Variants in ATP6V1H observed in about 807,000 individuals in gnomAD.
ATP6V1H encodes the protein ATPase H+ transporting V1 subunit H, also known as V-type proton ATPase subunit H.
Under a neutral mutation model 71.7 loss-of-function variants are expected in ATP6V1H, and 39 were observed. The observed-to-expected ratio is 0.54, with a 90% CI of 0.42 to 0.71. ATP6V1H has a LOEUF of 0.71. Ranked by LOEUF, ATP6V1H falls within the 30% of genes least tolerant of loss-of-function variation. The pLI is 0.00. For missense variants in ATP6V1H, 509 were observed against 594.9 expected (o/e 0.86, Z 1.50); for synonymous variants, 192 against 199.3 (o/e 0.96, Z 0.31).
At chr8:53,739,902 C>T (rs1807354377) in intron 13 of ATP6V1H, among the ~76,000 whole-genome samples, 1 of 152,220 alleles carries the variant, frequency 6.6e-6, no homozygotes. Context: ...ACTGTCCCCT[C>T]CCTCCCCAGC....
At chr8:53,821,422 C>T (rs187885264) in intron 4 of ATP6V1H, among the ~76,000 whole-genome samples, 2 of 151,606 alleles carry the variant, frequency 1.3e-5, no homozygotes, top group African/African-American at 4.8e-5. Context: ...ATGGCTCACA[C>T]CTGAATCTCA....
At chr8:53,755,958 C>T (rs1219348441) in intron 12 of ATP6V1H, among the ~76,000 whole-genome samples, 1 of 141,086 alleles carries the variant, frequency 7.1e-6, no homozygotes, top group Non-Finnish European at 1.5e-5. Flanking sequence ...GGGGTTTCAC[C>T]GTTTTAGCCG....
intron 7 of ATP6V1H, among the ~76,000 whole-genome samples, chr8:53,809,144 C>T (rs572904730): frequency 1.3e-5 from 2 of 152,232 alleles, no homozygotes; most frequent in South Asian, 2.1e-4. Context: ...TGTGTGACCT[C>T]GGGCATGTTG....
At chr8:53,787,576 C>A (rs1475510051) in intron 9 of ATP6V1H, among the ~76,000 whole-genome samples, 1 of 152,202 alleles carries the variant, frequency 6.6e-6, no homozygotes, top group Non-Finnish European at 1.5e-5. Flanking sequence ...AAGTATATCA[C>A]TGTAAAAATA....
At chr8:53,727,607 T>C (rs928804735) in intron 13 of ATP6V1H, among the ~76,000 whole-genome samples, 3 of 152,182 alleles carry the variant, frequency 2.0e-5, no homozygotes, top group African/African-American at 7.2e-5. Flanking sequence ...ACCTCCCCAG[T>C]GAAGAGCTCC....
chr8:53,781,076 A>C (rs978820656), intron 9 of ATP6V1H, among the ~76,000 whole-genome samples: 4 of 152,210 alleles, frequency 2.6e-5, no homozygotes, highest in African/African-American at 9.7e-5. Context: ...TGGCTGGGTC[A>C]AATGGTATTT....
intron 11 of ATP6V1H, 133 bp from the exon 12 acceptor site, chr8:53,756,789 A>C (rs550530540): frequency 1.8e-6 from 1 of 565,070 alleles, no homozygotes; most frequent in Admixed American, 3.2e-5. Context: ...TAAGGATTTC[A>C]CTATTAGACA....
At chr8:53,785,666 G>C (rs1809354140) in intron 9 of ATP6V1H, among the ~76,000 whole-genome samples, 2 of 152,232 alleles carry the variant, frequency 1.3e-5, no homozygotes, top group Non-Finnish European at 2.9e-5. Flanking sequence ...CATCTTTGTG[G>C]TTTTATCCAC....
chr8:53,748,863 C>T (rs1426756845), intron 12 of ATP6V1H, among the ~76,000 whole-genome samples: 1 of 152,144 alleles, frequency 6.6e-6, no homozygotes, highest in African/African-American at 2.4e-5. Context: ...CCAGTTTGGT[C>T]AATAAAAGGT....
rs770965453 is a variant in ATP6V1H, at chr8:53,756,555, C to T, written c.1277G>A (p.Arg426Gln). ...EYVRHYPRGK[R>Q]VIEQLGGKQL... ...AATGAAATGAATGGCTTTCTCTTAC[C>T]GTTTGCCTCGTGGATAATGCCGCAC... Residue 426 changes from arginine (R) to glutamine (Q), a missense_variant and splice_region_variant, in exon 12 of 14, where the codon CGG (arginine) becomes CAG (glutamine). Arg to Gln is a conservative substitution (Grantham distance 43). This residue lies in a region of ATP6V1H where 212 missense variants were observed against 291.6 expected (regional missense o/e 0.73). Coordinates refer to ENST00000359530, the MANE Select transcript of ATP6V1H (RefSeq NM_015941.4). The T allele has an allele frequency of 8.7e-6, 14 of 1,610,970 alleles. No homozygotes were observed. Among genetic ancestry groups the T allele is most frequent in the East Asian group, 2.2e-5 (1 of 44,866 alleles).
intron 7 of ATP6V1H, among the ~76,000 whole-genome samples, chr8:53,804,034 C>CTTGG (rs1345872911): frequency 1.3e-5 from 2 of 152,154 alleles, no homozygotes; most frequent in African/African-American, 4.8e-5. Flanking sequence ...AGGATGGATT[C>CTTGG]TTGGTTGTTA....
chr8:53,839,634 T>G, intron 2 of ATP6V1H: 1 of 985,450 alleles, frequency 1.0e-6, no homozygotes, highest in South Asian at 4.7e-5. Context: ...CCCTTCATGC[T>G]GCTAGTAGAA....
chr8:53,793,484 T>G (rs1809630701), intron 9 of ATP6V1H, among the ~76,000 whole-genome samples: 1 of 152,042 alleles, frequency 6.6e-6, no homozygotes, highest in Non-Finnish European at 1.5e-5. Context: ...ACAAAAGATT[T>G]TATTTTTTAA....
intron 9 of ATP6V1H, among the ~76,000 whole-genome samples, chr8:53,790,156 G>A (rs780447926): frequency 1.5e-4 from 23 of 152,154 alleles, no homozygotes; most frequent in Non-Finnish European, 2.9e-4. Flanking sequence ...ATCTAATTAA[G>A]TAAACATGTT....
intron 13 of ATP6V1H, among the ~76,000 whole-genome samples, chr8:53,723,659 T>A (rs1043750270): frequency 6.6e-6 from 1 of 152,156 alleles, no homozygotes; most frequent in African/African-American, 2.4e-5. Context: ...CCTACCTGGA[T>A]GTGTTTGCAT....
Position 53,780,930 on chromosome 8 carries a change from C to T in ATP6V1H, c.871-8763G>A, listed in dbSNP as rs552953764. Among the ~76,000 whole-genome samples the T allele has an allele frequency of 2.1e-3, 315 of 152,244 alleles. 2 individuals carry two copies. The highest frequency in any genetic ancestry group is 7.3e-3 in the African/African-American group (303 of 41,526). ...GTATATGTGCCACATTTTCTTAATCCAGTCTATCATTGTTGGACATCTGGG... is the reference window on the plus strand; with the variant it reads ...GTATATGTGCCACATTTTCTTAATCTAGTCTATCATTGTTGGACATCTGGG... On this transcript the variant is annotated intron_variant, in intron 9 of 13. Transcript: ENST00000359530.
chr8:53,753,588 T>C (rs1253035627), intron 12 of ATP6V1H, among the ~76,000 whole-genome samples: 2 of 152,266 alleles, frequency 1.3e-5, no homozygotes, highest in African/African-American at 2.4e-5. Context: ...CTTTTCACTT[T>C]CAGCGTTTTA....
Position 53,756,675 on chromosome 8 carries a change from A to T in ATP6V1H, c.1176-19T>A, listed in dbSNP as rs749042546. On this transcript the variant is annotated intron_variant, in intron 11 of 13. Transcript: ENST00000359530. ...CAAGATTCTGAAATAAATTTTATCC[A>T]AAGAGAGATCAAGTTCTAATTTTTC... 6.3e-7 allele frequency: 1 copy of T among 1,577,044 alleles called. No homozygotes were observed.
chr8:53,814,276 G>A (rs1471421909), intron 6 of ATP6V1H, among the ~76,000 whole-genome samples: 1 of 152,106 alleles, frequency 6.6e-6, no homozygotes, highest in African/African-American at 2.4e-5. Flanking sequence ...TCGGCCCGAG[G>A]CATGCTCTCT....
Sources: allele counts gnomAD v4.1 joint callset (sites outside exome capture counted in the v4.1 genomes callset), GRCh38; gene constraint gnomAD v4.1.1; regional missense constraint gnomAD v4.1.1; transcripts MANE v1.5; gene names NCBI Gene and HGNC (gene_info 2026-07-23, HGNC 2026-07-21).